Variants in HS3ST2 observed in about 807,000 individuals in gnomAD.
The protein encoded by HS3ST2 is heparan sulfate-glucosamine 3-sulfotransferase 2.
A neutral mutation model predicts 26.3 loss-of-function variants in HS3ST2; 17 were observed. That is an observed-to-expected ratio of 0.65 (90% CI 0.44 to 0.97). The LOEUF is 0.97. Ranked by LOEUF, HS3ST2 falls within the 50% of genes least tolerant of loss-of-function variation. The pLI is 0.00. For synonymous variants in HS3ST2, 237 were observed against 219.2 expected, an observed-to-expected ratio of 1.08 and a Z score of -0.72; for missense variants, 402 against 501.2, an observed-to-expected ratio of 0.80 and a Z score of 1.89.
intron 1 of HS3ST2, among the ~76,000 whole-genome samples, chr16:22,820,476 T>C (rs1900975938): frequency 6.6e-6 from 1 of 152,214 alleles, no homozygotes; most frequent in Admixed American, 6.5e-5. Flanking sequence ...GACTCACAGT[T>C]CCATGTGGCT....
At chr16:22,841,669 A>G (rs1596610759) in intron 1 of HS3ST2, among the ~76,000 whole-genome samples, 1 of 152,276 alleles carries the variant, frequency 6.6e-6, no homozygotes, top group Middle Eastern at 3.4e-3. Flanking sequence ...CCATATCATC[A>G]TTATTGCTTC....
chr16:22,862,040 C>G (rs564118691), intron 1 of HS3ST2, among the ~76,000 whole-genome samples: 1 of 152,294 alleles, frequency 6.6e-6, no homozygotes, highest in East Asian at 1.9e-4. Flanking sequence ...CTCTGTCCAC[C>G]CCAACTGTGG....
In HS3ST2 at chr16:22,814,655, G is replaced by A. The variant is rs1269106057; in HGVS notation, c.45G>A (p.Arg15=). ...VLGRAGPPQP[R]RARRLLFAFT... ...GCCGCGCGGGGCCACCTCAGCCGCG[G>A]AGGGCGCGCAGGCTGCTCTTCGCCT... The change falls in exon 1 of 2, where the codon CGG becomes CGA. Residue 15 remains arginine, a synonymous_variant. Transcript: ENST00000261374. 2 of 1,565,892 alleles carry A rather than the reference G, an allele frequency of 1.3e-6. No homozygotes were observed. The highest frequency in any genetic ancestry group is 1.7e-6 in the Non-Finnish European group (2 of 1,156,990).
At chr16:22,862,119 A>G (rs1901685325) in intron 1 of HS3ST2, among the ~76,000 whole-genome samples, 1 of 152,182 alleles carries the variant, frequency 6.6e-6, no homozygotes, top group South Asian at 2.1e-4. Flanking sequence ...TGCCAAGTAC[A>G]GCACCTGGCA....
At chr16:22,826,808 G>A (rs1201290903) in intron 1 of HS3ST2, among the ~76,000 whole-genome samples, 1 of 152,168 alleles carries the variant, frequency 6.6e-6, no homozygotes, top group African/African-American at 2.4e-5. Context: ...TCATCAATAG[G>A]TATTTATTGA....
At chr16:22,834,487 A>G (rs539740148) in intron 1 of HS3ST2, among the ~76,000 whole-genome samples, 1 of 152,284 alleles carries the variant, frequency 6.6e-6, no homozygotes, top group East Asian at 1.9e-4. Context: ...TATTTTAAAT[A>G]GCATCTAGTT....
At chr16:22,906,639 G>A (rs1567501515) in intron 1 of HS3ST2, among the ~76,000 whole-genome samples, 1 of 152,228 alleles carries the variant, frequency 6.6e-6, no homozygotes, top group Non-Finnish European at 1.5e-5. Flanking sequence ...TGGAAAGTTT[G>A]GTGGAAGTAG....
In HS3ST2 at chr16:22,814,985, G is replaced by T; in HGVS notation, c.375G>T (p.Gly125=). Residue 125 remains glycine (G), a synonymous_variant, in exon 1 of 2, where the codon GGG becomes GGT. Coordinates refer to ENST00000261374, the MANE Select transcript of HS3ST2 (RefSeq NM_006043.2). ...PQALIVGVKK[G]GTRAVLEFIR... The stretch of plus-strand genomic sequence containing the variant: ...CCCTCATTGTGGGCGTGAAGAAGGG[G>T]GGCACCCGGGCCGTGCTGGAGTTTA... 1.2e-6 allele frequency: 2 copies of T among 1,612,964 alleles called. No individual in the cohort carries two copies. The highest frequency in any genetic ancestry group is 3.3e-5 in the Admixed American group (2 of 60,002).
intron 1 of HS3ST2, among the ~76,000 whole-genome samples, chr16:22,860,105 T>G (rs1285208940): frequency 6.6e-6 from 1 of 152,182 alleles, no homozygotes; most frequent in Non-Finnish European, 1.5e-5. Flanking sequence ...CCTCTTCCCT[T>G]GTATTAGTCT....
intron 1 of HS3ST2, among the ~76,000 whole-genome samples, chr16:22,884,001 C>T (rs1902027723): frequency 6.6e-6 from 1 of 152,162 alleles, no homozygotes; most frequent in South Asian, 2.1e-4. Context: ...ACAACTCGGT[C>T]CTGCCCCACT....
intron 1 of HS3ST2, among the ~76,000 whole-genome samples, chr16:22,909,123 T>G (rs1004315090): frequency 6.6e-6 from 1 of 152,214 alleles, no homozygotes; most frequent in African/African-American, 2.4e-5. Context: ...TTTTTAGTCT[T>G]TGTAACACAA....
At position 22,854,290 on chromosome 16, in the gene HS3ST2, A is replaced by C. The variant is rs147716469; in HGVS notation, c.485+39195A>C. Among the ~76,000 whole-genome samples the C allele has an allele frequency of 9.1e-3, 1,385 of 152,264 alleles. 15 individuals are homozygous for C. The highest frequency in any genetic ancestry group is 0.028 in the South Asian group (134 of 4,828). ...TAAGTAGGCTTTTCCCTGAGTATTT[A>C]TAGAGTTCTTTTCCTTGAAGTTAGA... is the stretch of plus-strand genomic sequence containing the variant. On this transcript the variant is annotated intron_variant, in intron 1 of 1. Transcript: ENST00000261374.
chr16:22,904,030 T>C (rs999836307), intron 1 of HS3ST2, among the ~76,000 whole-genome samples: 8 of 152,146 alleles, frequency 5.3e-5, no homozygotes, highest in African/African-American at 1.7e-4. Context: ...AACTGGCTGA[T>C]TGGATTTAGA....
At chr16:22,884,732 A>T (rs1288882402) in intron 1 of HS3ST2, among the ~76,000 whole-genome samples, 1 of 148,482 alleles carries the variant, frequency 6.7e-6, no homozygotes, top group Non-Finnish European at 1.5e-5. Flanking sequence ...AAAGTTAGTC[A>T]GGCTCTGATC....
intron 1 of HS3ST2, among the ~76,000 whole-genome samples, chr16:22,859,659 G>A (rs894933033): frequency 2.6e-5 from 4 of 152,140 alleles, no homozygotes; most frequent in Admixed American, 1.3e-4. Flanking sequence ...CTCTACCTCT[G>A]ATTTCAAAAT....
At chr16:22,890,126 C>T (rs995514964) in intron 1 of HS3ST2, among the ~76,000 whole-genome samples, 2 of 152,140 alleles carry the variant, frequency 1.3e-5, no homozygotes, top group African/African-American at 2.4e-5. Context: ...GACCTCCTTG[C>T]TAATCTGAAG....
intron 1 of HS3ST2, among the ~76,000 whole-genome samples, chr16:22,872,554 G>T (rs1901852540): frequency 6.6e-6 from 1 of 152,154 alleles, no homozygotes; most frequent in Non-Finnish European, 1.5e-5. Context: ...TTAATGATCA[G>T]CTGGAAAGAA....
At chr16:22,878,934 G>A (rs924339525) in intron 1 of HS3ST2, among the ~76,000 whole-genome samples, 2 of 152,232 alleles carry the variant, frequency 1.3e-5, no homozygotes, top group Non-Finnish European at 2.9e-5. Context: ...GAGATGGCTG[G>A]AGATGAAGTC....
intron 1 of HS3ST2, among the ~76,000 whole-genome samples, chr16:22,868,302 G>A (rs1901784518): frequency 6.6e-6 from 1 of 151,516 alleles, no homozygotes; most frequent in Non-Finnish European, 1.5e-5. Context: ...CCAGCTACCT[G>A]GGAGGCTGAC....
Sources: gnomAD v4.1 joint callset for allele counts (sites outside exome capture counted in the v4.1 genomes callset) on GRCh38, gnomAD v4.1.1 for gene constraint, MANE v1.5 for transcripts, NCBI Gene and HGNC (gene_info 2026-07-23, HGNC 2026-07-21) for gene names.